GALNT13: variants seen among roughly 807,000 people sequenced by gnomAD.
GALNT13 encodes polypeptide N-acetylgalactosaminyltransferase 13.
A neutral mutation model predicts 64.2 loss-of-function variants in GALNT13; 28 were observed. The observed-to-expected ratio is 0.44, with a 90% CI of 0.32 to 0.60. The LOEUF (loss-of-function observed/expected upper bound fraction) is 0.60, where lower values mean the gene tolerates loss of function less well. Ranked by LOEUF, GALNT13 falls within the 20% of genes least tolerant of loss-of-function variation. The pLI, the probability that GALNT13 is intolerant of heterozygous loss-of-function variation, is 0.05. For missense variants in GALNT13, 577 were observed against 669.8 expected, an observed-to-expected ratio of 0.86 and a Z score of 1.53; for synonymous variants, 214 against 224.6, an observed-to-expected ratio of 0.95 and a Z score of 0.42.
chr2:154,024,024 C>G (rs1174168447), intron 3 of GALNT13, among the ~76,000 whole-genome samples: 1 of 151,272 alleles, frequency 6.6e-6, no homozygotes, highest in Non-Finnish European at 1.5e-5. Context: ...ATATTGGTCC[C>G]CACTCTCTTC....
intron 3 of GALNT13, among the ~76,000 whole-genome samples, chr2:154,061,606 C>T (rs899572825): frequency 9.2e-5 from 14 of 152,238 alleles, no homozygotes; most frequent in African/African-American, 2.4e-4. Flanking sequence ...TGTCCCCCAA[C>T]GGAATTACAA....
intron 9 of GALNT13, among the ~76,000 whole-genome samples, chr2:154,394,325 T>C (rs538149061): frequency 2.8e-4 from 43 of 152,242 alleles, no homozygotes; most frequent in Middle Eastern, 3.4e-3. Flanking sequence ...AATTCATATT[T>C]CATTGTCCAT....
chr2:154,038,997 A>C (rs1698826604), intron 3 of GALNT13, among the ~76,000 whole-genome samples: 1 of 152,178 alleles, frequency 6.6e-6, no homozygotes, highest in Non-Finnish European at 1.5e-5. Flanking sequence ...GCCAATAGGC[A>C]TATGAATAAA....
the GALNT13 span, among the ~76,000 whole-genome samples, chr2:153,576,805 C>A: frequency 1.6e-4 from 24 of 151,636 alleles, no homozygotes; most frequent in Non-Finnish European, 3.2e-4. Context: ...TTAATGGATC[C>A]TTCTTTTCTG....
intron 9 of GALNT13, among the ~76,000 whole-genome samples, chr2:154,381,677 A>G (rs1208962307): frequency 1.3e-5 from 2 of 152,076 alleles, no homozygotes; most frequent in Admixed American, 1.3e-4. Flanking sequence ...TTCACTTACT[A>G]GCTGTTCTGT....
intron 3 of GALNT13, among the ~76,000 whole-genome samples, chr2:154,102,531 G>T (rs1702400962): frequency 6.6e-6 from 1 of 152,094 alleles, no homozygotes; most frequent in African/African-American, 2.4e-5. Flanking sequence ...TAAAATCGTG[G>T]GAGTGGGGTG....
the GALNT13 span, among the ~76,000 whole-genome samples, chr2:153,074,867 TGAG>T: frequency 6.6e-6 from 1 of 152,174 alleles, no homozygotes; most frequent in East Asian, 1.9e-4. Flanking sequence ...GCTGAGTAGC[TGAG>T]ATTACATACA....
chr2:153,318,122 GTTTTTT>G, the GALNT13 span, among the ~76,000 whole-genome samples: 1 of 144,838 alleles, frequency 6.9e-6, no homozygotes, highest in African/African-American at 2.5e-5. Flanking sequence ...TATTAGGAGA[GTTTTTT>G]TTTTTTTTTC....
At chr2:153,186,418 C>T in the GALNT13 span, among the ~76,000 whole-genome samples, 1 of 152,044 alleles carries the variant, frequency 6.6e-6, no homozygotes, top group Non-Finnish European at 1.5e-5. Flanking sequence ...GCTTGACATT[C>T]TCTGTCTTTT....
the GALNT13 span, among the ~76,000 whole-genome samples, chr2:153,452,626 GAC>G: frequency 6.6e-6 from 1 of 151,730 alleles, no homozygotes; most frequent in Non-Finnish European, 1.5e-5. Flanking sequence ...AATCATAGAT[GAC>G]ACAAACAAAT....
At chr2:153,893,280 C>G (rs894390595) in intron 1 of GALNT13, among the ~76,000 whole-genome samples, 2 of 152,032 alleles carry the variant, frequency 1.3e-5, no homozygotes. Context: ...TATGTTGCAA[C>G]TTTGTACTAT....
chr2:153,374,619 G>A, the GALNT13 span, among the ~76,000 whole-genome samples: 1 of 151,852 alleles, frequency 6.6e-6, no homozygotes, highest in African/African-American at 2.4e-5. Context: ...GTATTTTTCA[G>A]CTTTTATGAT....
the GALNT13 span, among the ~76,000 whole-genome samples, chr2:153,219,800 C>T: frequency 6.6e-6 from 1 of 152,216 alleles, no homozygotes; most frequent in Admixed American, 6.5e-5. Flanking sequence ...TGGGAAATTT[C>T]ATCCTTTTCT....
chr2:153,286,393 C>T, the GALNT13 span, among the ~76,000 whole-genome samples: 1 of 152,194 alleles, frequency 6.6e-6, no homozygotes, highest in South Asian at 2.1e-4. Flanking sequence ...CTCATGTTCA[C>T]ACAGCTATTA....
intron 2 of GALNT13, among the ~76,000 whole-genome samples, chr2:153,938,231 G>C (rs1691088835): frequency 6.6e-6 from 1 of 152,112 alleles, no homozygotes; most frequent in Non-Finnish European, 1.5e-5. Flanking sequence ...GTAGAATTTG[G>C]TATGGTAGTA....
At chr2:154,331,121 ATAT>A (rs1695144632) in intron 9 of GALNT13, among the ~76,000 whole-genome samples, 1 of 152,120 alleles carries the variant, frequency 6.6e-6, no homozygotes, top group African/African-American at 2.4e-5. Flanking sequence ...ATATTGTGCC[ATAT>A]TATTAAAATG....
Position 154,395,994 on chromosome 2 carries a change from T to G in GALNT13, c.1160T>G (p.Val387Gly). 6.3e-7 allele frequency: 1 copy of G among 1,595,196 alleles called. No individual in the cohort carries two copies. The change falls in exon 10 of 13, where the codon GTT becomes GGT. Residue 387 changes from valine to glycine, a missense_variant. This residue lies in a region of GALNT13 where 232 missense variants were observed against 270.6 expected (regional missense o/e 0.86). Transcript: ENST00000392825. The part of the protein sequence containing the change: ...KDFFYIISPG[V>G]VKVDYGDVSV... ...GTGTTTCTCTGAAAAATTCCAGGTG[T>G]TGTCAAAGTGGATTATGGAGATGTG...
chr2:153,556,518 A>G, the GALNT13 span, among the ~76,000 whole-genome samples: 1 of 152,190 alleles, frequency 6.6e-6, no homozygotes. Context: ...CACATCAGCT[A>G]TTTCCACAAT....
At chr2:154,435,716 A>G (rs1175671742) in intron 11 of GALNT13, 1 of 152,140 alleles carries the variant, frequency 6.6e-6, no homozygotes, top group South Asian at 2.1e-4. Context: ...AGAAATCCTC[A>G]ATTTGGGATT....
Sources: allele counts gnomAD v4.1 joint callset (sites outside exome capture counted in the v4.1 genomes callset), GRCh38; gene constraint gnomAD v4.1.1; regional missense constraint gnomAD v4.1.1; transcripts MANE v1.5; gene names NCBI Gene and HGNC (gene_info 2026-07-23, HGNC 2026-07-21).